SYNE1: variants seen among roughly 807,000 people sequenced by gnomAD.
SYNE1 encodes nesprin-1.
Under a neutral mutation model 1,111.0 loss-of-function variants are expected in SYNE1, and 616 were observed. That is an observed-to-expected ratio of 0.55 (90% CI 0.52 to 0.59). The LOEUF is 0.59. SYNE1 is among the 20% of genes least tolerant of loss of function. The pLI is 0.00. For missense variants in SYNE1, 10,006 were observed against 10,417.0 expected, an observed-to-expected ratio of 0.96 and a Z score of 1.72; for synonymous variants, 3,855 against 3,825.8, an observed-to-expected ratio of 1.01 and a Z score of -0.28.
intron 63 of SYNE1, among the ~76,000 whole-genome samples, chr6:152,363,130 C>G (rs1004524665): frequency 5.3e-5 from 8 of 151,086 alleles, no homozygotes; most frequent in Non-Finnish European, 8.9e-5. Context: ...ATCTGCCTGC[C>G]TCGGCCTCCC....
At position 152,278,296 on chromosome 6, in the gene SYNE1, T is replaced by TAAG. The variant is rs1379525352; in HGVS notation, c.18382-19_18382-17dup. On this transcript the variant is annotated splice_polypyrimidine_tract_variant and intron_variant, in intron 97 of 145. Coordinates refer to ENST00000367255, the MANE Select transcript of SYNE1 (RefSeq NM_182961.4). Reference sequence around the variant, plus strand: ...CCAGCATATTCTGCAGCAACAGAAATAAGAATGAAACTCACACATCTCCCC... The same window carrying TAAG: ...CCAGCATATTCTGCAGCAACAGAAATAAGAAGAATGAAACTCACACATCTCCCC... 1 of 1,613,606 alleles carries TAAG rather than the reference T, an allele frequency of 6.2e-7. No individual in the cohort carries two copies. Among genetic ancestry groups the TAAG allele is most frequent in the Admixed American group, 1.7e-5 (1 of 59,998 alleles).
intron 86 of SYNE1, 142 bp downstream of exon 86, chr6:152,317,939 A>G (rs2095775262): frequency 1.9e-6 from 2 of 1,063,468 alleles, no homozygotes; most frequent in East Asian, 5.0e-5. Flanking sequence ...TCACAAGTGT[A>G]GCATGAAATA....
chr6:152,432,826 A>G (rs1016263718), intron 34 of SYNE1, among the ~76,000 whole-genome samples: 1 of 152,160 alleles, frequency 6.6e-6, no homozygotes, highest in Non-Finnish European at 1.5e-5. Context: ...ATATTCTTCC[A>G]TGGCCTCACA....
intron 74 of SYNE1, among the ~76,000 whole-genome samples, chr6:152,343,239 G>T (rs964161167): frequency 6.7e-6 from 1 of 149,476 alleles, no homozygotes; most frequent in Non-Finnish European, 1.5e-5. Context: ...TGCAACCTCC[G>T]CCTCCACCTC....
At chr6:152,339,515 T>G in intron 74 of SYNE1, 149 bp from the exon 75 acceptor site, 1 of 1,173,172 alleles carries the variant, frequency 8.5e-7, no homozygotes, top group Non-Finnish European at 1.2e-6. Flanking sequence ...CATATATTAG[T>G]GACTCACAGG....
chr6:152,141,426 T>G, intron 138 of SYNE1, 97 bp from the exon 139 acceptor site: 1 of 1,543,038 alleles, frequency 6.5e-7, no homozygotes, highest in Admixed American at 1.7e-5. Flanking sequence ...GCAAGAGAAG[T>G]GTCTGTGTTT....
chr6:152,605,076 A>AAGGAAGGAAGGAAGGAAG (rs2099610951), intron 3 of SYNE1, among the ~76,000 whole-genome samples: 2 of 32,348 alleles, frequency 6.2e-5, no homozygotes, highest in Non-Finnish European at 5.1e-5. Context: ...GAGGGAGGAA[A>AAGGAAGGAAGGAAGGAAG]GAAGGAAGGA....
chr6:152,408,559 A>AATAAGTTTTTAC (rs1208861340), intron 44 of SYNE1, among the ~76,000 whole-genome samples: 1 of 152,202 alleles, frequency 6.6e-6, no homozygotes, highest in African/African-American at 2.4e-5. Context: ...AAAGTCTGAG[A>AATAAGTTTTTAC]ATAAGTTTTT....
intron 3 of SYNE1, among the ~76,000 whole-genome samples, chr6:152,591,845 TAA>T (rs147449017): frequency 6.6e-6 from 1 of 151,788 alleles, no homozygotes; most frequent in Non-Finnish European, 1.5e-5. Flanking sequence ...AAAACCCCAT[TAA>T]AAAATGGGCA....
In SYNE1 at chr6:152,268,116, G is replaced by A. The variant is rs1421552570; in HGVS notation, c.18755C>T (p.Ala6252Val). The A allele has an allele frequency of 1.2e-6, 2 of 1,613,970 alleles. No homozygotes were observed. Among genetic ancestry groups the A allele is most frequent in the African/African-American group, 2.7e-5 (2 of 74,910 alleles). ...AEQKSLLRSVASRGEEILIQH... is the reference protein window; with the variant it reads ...AEQKSLLRSVVSRGEEILIQH... Reference sequence around the variant, plus strand: ...AATTAGAATCTCCTCTCCACGACTGGCTACTGAGCGAAGGAGACTCTTCTG... The same window carrying A: ...AATTAGAATCTCCTCTCCACGACTGACTACTGAGCGAAGGAGACTCTTCTG... The change falls in exon 100 of 146, where the codon GCC becomes GTC. Residue 6252 changes from alanine (A) to valine (V), a missense_variant. Transcript: ENST00000367255.
intron 29 of SYNE1, among the ~76,000 whole-genome samples, chr6:152,445,708 C>G (rs2098579539): frequency 6.6e-6 from 1 of 151,330 alleles, no homozygotes; most frequent in Non-Finnish European, 1.5e-5. Context: ...CTTGTGCATC[C>G]ACCCACAGTC....
In SYNE1 at chr6:152,387,098, A is replaced by G; in HGVS notation, c.8461T>C (p.Phe2821Leu). ...TTGGCAACAGTCATTATATCATTAA[A>G]CTGTGTTTTCAGCTCCTCTTGAGCT... is the stretch of plus-strand genomic sequence containing the variant. ...DTAQEELKTQ[F>L]NDIMTVAKEK... The change falls in exon 54 of 146, where the codon TTT becomes CTT. Residue 2821 changes from phenylalanine (F) to leucine (L), a missense_variant. Physicochemically the swap from Phe to Leu is conservative, Grantham distance 22. Around this residue, in one of 7 missense-constraint regions of SYNE1, gnomAD observed 4,955 missense variants for 5,017.2 expected, o/e 0.99. Transcript: ENST00000367255. 1 of 1,614,040 alleles carries G rather than the reference A, an allele frequency of 6.2e-7. No homozygotes were observed. The highest frequency in any genetic ancestry group is 8.5e-7 in the Non-Finnish European group (1 of 1,179,942).
rs931045356 is a variant in SYNE1 at position 152,168,513 on chromosome 6, A to G, written c.23628-4188T>C. ...CAGGTCTAAAGAAAGGACAGCAAAA[A>G]CAACATCGGCTGCACACACTCTGCT... On this transcript the variant is annotated intron_variant, in intron 130 of 145. Transcript: ENST00000367255. 6.6e-5 allele frequency: 17 copies of G among 257,814 alleles called. No individual in the cohort carries two copies. In the East Asian group the frequency reaches 1.1e-3, roughly 17 times the overall value. The allele number at this position is 257,814 out of a possible 1,614,324, so 16.0% of individuals were successfully genotyped here.
chr6:152,324,358 C>T (rs1237623577), intron 81 of SYNE1, among the ~76,000 whole-genome samples: 1 of 152,008 alleles, frequency 6.6e-6, no homozygotes, highest in South Asian at 2.1e-4. Flanking sequence ...GAGATCACAC[C>T]ACTGCACTCT....
chr6:152,506,956 T>C (rs926888265), intron 8 of SYNE1, among the ~76,000 whole-genome samples: 4 of 152,204 alleles, frequency 2.6e-5, no homozygotes, highest in African/African-American at 9.7e-5. Flanking sequence ...GCATAAAATA[T>C]ATTATGCATC....
At chr6:152,486,092 G>A (rs1593712644) in intron 12 of SYNE1, among the ~76,000 whole-genome samples, 1 of 152,174 alleles carries the variant, frequency 6.6e-6, no homozygotes, top group Admixed American at 6.5e-5. Context: ...CTACTCAGGA[G>A]GCTGAGGCAG....
chr6:152,505,837 A>C (rs553377113), intron 8 of SYNE1, among the ~76,000 whole-genome samples: 4 of 152,296 alleles, frequency 2.6e-5, no homozygotes, highest in African/African-American at 4.8e-5. Flanking sequence ...ATTTTTGTAG[A>C]AAGAGCTAAC....
In SYNE1 at chr6:152,553,837, C is replaced by T. The variant is rs372469473; in HGVS notation, c.68-13816G>A. On this transcript the variant is annotated intron_variant, in intron 3 of 145. Transcript: ENST00000367255. Reference sequence around the variant, plus strand: ...GTTTTTTAGCATGTGCTCTCAAGAACTAAAAACTTTAAGTGTGGAGAAGCA... The same window carrying T: ...GTTTTTTAGCATGTGCTCTCAAGAATTAAAAACTTTAAGTGTGGAGAAGCA... Among the ~76,000 whole-genome samples, 62 of 152,220 alleles carry T rather than the reference C, an allele frequency of 4.1e-4. 2 individuals are homozygous for T. The South Asian group carries it at 0.013, about 31-fold the overall frequency.
chr6:152,560,222 TG>T (rs2099390604), intron 3 of SYNE1, among the ~76,000 whole-genome samples: 1 of 151,880 alleles, frequency 6.6e-6, no homozygotes, highest in African/African-American at 2.4e-5. Context: ...ATAAATTAGC[TG>T]GGTGTGGTGG....
Sources: allele counts gnomAD v4.1 joint callset (sites outside exome capture counted in the v4.1 genomes callset), GRCh38; gene constraint gnomAD v4.1.1; regional missense constraint gnomAD v4.1.1; transcripts MANE v1.5; gene names NCBI Gene and HGNC (gene_info 2026-07-23, HGNC 2026-07-21).